Variants in PSME4 observed in about 807,000 individuals in gnomAD.
PSME4 encodes the protein proteasome activator complex subunit 4.
PSME4 carries 89 observed loss-of-function variants against 253.9 expected under a neutral mutation model. That is an observed-to-expected ratio of 0.35 (90% CI 0.30 to 0.42). PSME4 has a LOEUF of 0.42. Among genes scored for constraint, PSME4 ranks in the 10% least tolerant of loss-of-function variants. The pLI is 1.00. For missense variants in PSME4, 2,014 were observed against 2,195.2 expected, an observed-to-expected ratio of 0.92 and a Z score of 1.65; for synonymous variants, 851 against 759.2, an observed-to-expected ratio of 1.12 and a Z score of -1.99.
At chr2:53,883,084 A>G (rs562419628) in intron 41 of PSME4, among the ~76,000 whole-genome samples, 3 of 152,286 alleles carry the variant, frequency 2.0e-5, no homozygotes, top group East Asian at 3.9e-4. Context: ...TAGTTTATGA[A>G]TATTTCCTTC....
chr2:53,949,802 A>G (rs1430470079), intron 1 of PSME4, among the ~76,000 whole-genome samples: 1 of 152,336 alleles, frequency 6.6e-6, no homozygotes, highest in African/African-American at 2.4e-5. Flanking sequence ...TTGTACAACA[A>G]TGTATATATG....
intron 43 of PSME4, among the ~76,000 whole-genome samples, chr2:53,872,011 T>C (rs1259252016): frequency 6.6e-6 from 1 of 151,712 alleles, no homozygotes; most frequent in Admixed American, 6.6e-5. Flanking sequence ...TGAAACTCCC[T>C]CTCCAAAAAA....
At chr2:53,878,732 TAATA>T (rs1219036277) in intron 41 of PSME4, among the ~76,000 whole-genome samples, 4 of 152,206 alleles carry the variant, frequency 2.6e-5, no homozygotes, top group Non-Finnish European at 4.4e-5. Flanking sequence ...AATTCCTGCC[TAATA>T]AATTTTGGTC....
intron 14 of PSME4, among the ~76,000 whole-genome samples, chr2:53,923,781 G>C (rs1668432633): frequency 6.6e-6 from 1 of 152,096 alleles, no homozygotes; most frequent in Non-Finnish European, 1.5e-5. Flanking sequence ...AAATTGACCA[G>C]GCATGGTGGC....
At chr2:53,956,505 G>C (rs1195164829) in intron 1 of PSME4, among the ~76,000 whole-genome samples, 1 of 151,802 alleles carries the variant, frequency 6.6e-6, no homozygotes, top group East Asian at 1.9e-4. Flanking sequence ...ACTCCAGCCT[G>C]GGTGACAAGA....
intron 1 of PSME4, among the ~76,000 whole-genome samples, chr2:53,952,803 C>G (rs569219031): frequency 6.6e-6 from 1 of 152,314 alleles, no homozygotes; most frequent in African/African-American, 2.4e-5. Flanking sequence ...GGCGGTAATG[C>G]CCAATCGCCT....
chr2:53,965,447 C>T (rs1670677165), intron 1 of PSME4, among the ~76,000 whole-genome samples: 1 of 151,842 alleles, frequency 6.6e-6, no homozygotes, highest in South Asian at 2.1e-4. Context: ...GGCCAAGGAA[C>T]TCCTGACCTC....
chr2:53,937,064 A>G (rs1669159498), intron 5 of PSME4, among the ~76,000 whole-genome samples: 1 of 152,150 alleles, frequency 6.6e-6, no homozygotes, highest in African/African-American at 2.4e-5. Flanking sequence ...ATTACTAAGT[A>G]CTGTCCATTC....
chr2:53,871,309 G>A (rs1678864208), intron 43 of PSME4, among the ~76,000 whole-genome samples: 1 of 151,830 alleles, frequency 6.6e-6, no homozygotes, highest in East Asian at 1.9e-4. Flanking sequence ...GGAGTGCAGT[G>A]GCACGATCTT....
chr2:53,896,512 C>T (rs1386895735), intron 32 of PSME4, among the ~76,000 whole-genome samples: 1 of 152,058 alleles, frequency 6.6e-6, no homozygotes, highest in Non-Finnish European at 1.5e-5. Flanking sequence ...CAAAGAGAAA[C>T]ATTTAACAAA....
At chr2:53,882,838 A>C (rs1679454833) in intron 41 of PSME4, among the ~76,000 whole-genome samples, 1 of 152,128 alleles carries the variant, frequency 6.6e-6, no homozygotes, top group Admixed American at 6.6e-5. Flanking sequence ...GGGAAGCTGC[A>C]GAGCTACTGG....
chr2:53,903,968 TCAGC>T, intron 27 of PSME4, 53 bp downstream of exon 27: 1 of 1,437,526 alleles, frequency 7.0e-7, no homozygotes, highest in South Asian at 1.3e-5. Flanking sequence ...TAGAATTTTT[TCAGC>T]TTTTCAGTAT....
chr2:53,910,261 C>T (rs1390898281), intron 20 of PSME4, 131 bp from the exon 21 acceptor site: 1 of 711,928 alleles, frequency 1.4e-6, no homozygotes, highest in Non-Finnish European at 2.5e-6. Flanking sequence ...GATTTCCCAT[C>T]TTCAATGGGA....
chr2:53,875,612 T>C lies in PSME4; in HGVS notation c.4944+15A>G, dbSNP rs775865358. The C allele has an allele frequency of 1.3e-6, 2 of 1,596,248 alleles. No individual in the cohort carries two copies. The highest frequency in any genetic ancestry group is 2.3e-5 in the South Asian group (2 of 87,194). On this transcript the variant is annotated intron_variant, in intron 42 of 46. Coordinates refer to ENST00000404125, the MANE Select transcript of PSME4 (RefSeq NM_014614.3). ...AATCCTAATCAAAAGACATAAATAT[T>C]ATAAACACTCTTACTTGTTTTAGCA... is the stretch of plus-strand genomic sequence containing the variant.
chr2:53,882,449 C>T (rs557036784), intron 41 of PSME4, among the ~76,000 whole-genome samples: 81 of 152,286 alleles, frequency 5.3e-4, no homozygotes, highest in Non-Finnish European at 9.8e-4. Context: ...CCACCCACTC[C>T]TCAATTTGGA....
chr2:53,963,740 C>A (rs1670594536), intron 1 of PSME4, among the ~76,000 whole-genome samples: 1 of 152,080 alleles, frequency 6.6e-6, no homozygotes, highest in African/African-American at 2.4e-5. Flanking sequence ...GAAGTAAAAT[C>A]ACAAATTTGG....
chr2:53,946,315 T>C (rs1669697253), intron 3 of PSME4, among the ~76,000 whole-genome samples: 1 of 152,158 alleles, frequency 6.6e-6, no homozygotes, highest in South Asian at 2.1e-4. Context: ...ACAAAATACT[T>C]TCAGAAGCAG....
intron 1 of PSME4, among the ~76,000 whole-genome samples, chr2:53,953,423 G>A (rs1670090031): frequency 1.3e-5 from 2 of 149,804 alleles, no homozygotes; most frequent in African/African-American, 4.9e-5. Context: ...GCGAAGGCAG[G>A]AGGATCAATT....
At chr2:53,883,376 C>T (rs901657729) in intron 41 of PSME4, among the ~76,000 whole-genome samples, 3 of 152,100 alleles carry the variant, frequency 2.0e-5, no homozygotes, top group Non-Finnish European at 2.9e-5. Flanking sequence ...GATGCATGCC[C>T]GTAGTCCCAG....
Sources: gnomAD v4.1 joint callset for allele counts (sites outside exome capture counted in the v4.1 genomes callset) on GRCh38, gnomAD v4.1.1 for gene constraint, MANE v1.5 for transcripts, NCBI Gene and HGNC (gene_info 2026-07-23, HGNC 2026-07-21) for gene names.